Variants in HSD17B11 observed in about 807,000 individuals in gnomAD.
HSD17B11 encodes the protein estradiol 17-beta-dehydrogenase 11.
In HSD17B11, 22 loss-of-function variants were observed where a neutral mutation model predicts 27.8. That is an observed-to-expected ratio of 0.79 (90% CI 0.56 to 1.13). The LOEUF (loss-of-function observed/expected upper bound fraction) is 1.13, where lower values mean the gene tolerates loss of function less well. Ranked by LOEUF, HSD17B11 falls within the 50% of genes most tolerant of loss-of-function variation. The probability of loss-of-function intolerance (pLI) is 0.00; values close to 1 mark genes in which losing one functional copy is unlikely to be tolerated. For synonymous variants in HSD17B11, 117 were observed against 132.8 expected (o/e 0.88, Z 0.82); for missense variants, 314 against 351.1 (o/e 0.89, Z 0.84).
chr4:87,390,107 C>G (rs1720419864), intron 1 of HSD17B11, among the ~76,000 whole-genome samples: 2 of 152,116 alleles, frequency 1.3e-5, no homozygotes, highest in Admixed American at 1.3e-4. Flanking sequence ...TTTAAAATTA[C>G]TCTTGGCAAT....
intron 5 of HSD17B11, among the ~76,000 whole-genome samples, chr4:87,341,885 A>T (rs577417700): frequency 6.7e-6 from 1 of 149,110 alleles, no homozygotes; most frequent in African/African-American, 2.5e-5. Context: ...AAATAGATAG[A>T]TAAGTGGCTT....
intron 3 of HSD17B11, among the ~76,000 whole-genome samples, chr4:87,374,077 C>G (rs1245433105): frequency 6.6e-6 from 1 of 152,152 alleles, no homozygotes; most frequent in Admixed American, 6.5e-5. Flanking sequence ...GTAATCCCAG[C>G]ACTTTGGGAG....
chr4:87,376,962 T>C (rs1735839050), intron 2 of HSD17B11, among the ~76,000 whole-genome samples: 1 of 151,646 alleles, frequency 6.6e-6, no homozygotes, highest in African/African-American at 2.4e-5. Context: ...AAACTGCATC[T>C]CTATTGAAAA....
chr4:87,378,895 A>AATATATATATAAAT (rs1303288739), intron 2 of HSD17B11, among the ~76,000 whole-genome samples: 1 of 8,422 alleles, frequency 1.2e-4, no homozygotes, highest in Non-Finnish European at 1.8e-4. Context: ...TATATATATA[A>AATATATATATAAAT]ATATATATAA....
intron 5 of HSD17B11, among the ~76,000 whole-genome samples, chr4:87,342,372 A>G (rs1294464342): frequency 6.8e-6 from 1 of 146,334 alleles, no homozygotes; most frequent in Non-Finnish European, 1.5e-5. Context: ...ACAAAGTGAA[A>G]CTTCGCTGCA....
intron 4 of HSD17B11, among the ~76,000 whole-genome samples, chr4:87,364,165 T>TTTGTC (rs1445392178): frequency 1.4e-5 from 2 of 146,532 alleles, no homozygotes; most frequent in Non-Finnish European, 3.0e-5. Flanking sequence ...TTTGTTTTGT[T>TTTGTC]TTGTCTTGTT....
At chr4:87,352,770 G>A (rs779590494) in intron 5 of HSD17B11, among the ~76,000 whole-genome samples, 6 of 8,484 alleles carry the variant, frequency 7.1e-4, no homozygotes, top group Non-Finnish European at 1.5e-3. Context: ...AGCAATCAGC[G>A]AGATTCCGTG....
chr4:87,378,141 G>A (rs1432780281), intron 2 of HSD17B11, among the ~76,000 whole-genome samples: 1 of 152,196 alleles, frequency 6.6e-6, no homozygotes, highest in African/African-American at 2.4e-5. Context: ...TCTTCAGTCA[G>A]AATTGAATTT....
At chr4:87,379,904 T>C (rs1245224176) in intron 2 of HSD17B11, among the ~76,000 whole-genome samples, 1 of 144,482 alleles carries the variant, frequency 6.9e-6, no homozygotes, top group Non-Finnish European at 1.5e-5. Flanking sequence ...ATCTCATATA[T>C]ACATATTATA....
At chr4:87,355,979 A>G (rs1735376677) in intron 5 of HSD17B11, among the ~76,000 whole-genome samples, 1 of 152,218 alleles carries the variant, frequency 6.6e-6, no homozygotes, top group East Asian at 1.9e-4. Context: ...AGCTGATGCC[A>G]TGAAAATAGG....
At chr4:87,359,694 A>T (rs568335751) in intron 4 of HSD17B11, among the ~76,000 whole-genome samples, 1 of 152,314 alleles carries the variant, frequency 6.6e-6, no homozygotes, top group Non-Finnish European at 1.5e-5. Flanking sequence ...TTTAATCTTC[A>T]TAATACCCCT....
At chr4:87,373,710 A>G (rs1735765552) in intron 3 of HSD17B11, among the ~76,000 whole-genome samples, 1 of 151,852 alleles carries the variant, frequency 6.6e-6, no homozygotes, top group East Asian at 2.0e-4. Context: ...CCTGTCTCCA[A>G]ACAACAACAA....
At chr4:87,364,134 A>G (rs1194072938) in intron 4 of HSD17B11, among the ~76,000 whole-genome samples, 1 of 149,960 alleles carries the variant, frequency 6.7e-6, no homozygotes, top group Non-Finnish European at 1.5e-5. Flanking sequence ...CAAGTGAATT[A>G]TTTTTGTTTT....
chr4:87,353,100 G>C (rs1735316723), intron 5 of HSD17B11, among the ~76,000 whole-genome samples: 1 of 104,678 alleles, frequency 9.6e-6, no homozygotes, highest in Non-Finnish European at 1.9e-5. Context: ...CACGCTGGGA[G>C]CTGTAGACCG....
chr4:87,386,116 T>C (rs1720310339), intron 1 of HSD17B11, among the ~76,000 whole-genome samples: 1 of 152,158 alleles, frequency 6.6e-6, no homozygotes, highest in African/African-American at 2.4e-5. Context: ...GATACCCTTC[T>C]TTCACATCCG....
intron 5 of HSD17B11, among the ~76,000 whole-genome samples, chr4:87,341,126 T>G (rs1046588763): frequency 6.6e-6 from 1 of 152,112 alleles, no homozygotes; most frequent in Non-Finnish European, 1.5e-5. Context: ...CATGATATGC[T>G]TATATTTATT....
intron 1 of HSD17B11, among the ~76,000 whole-genome samples, chr4:87,389,379 C>T (rs183249425): frequency 1.3e-5 from 2 of 152,216 alleles, no homozygotes; most frequent in East Asian, 1.9e-4. Flanking sequence ...CACGCCACCA[C>T]GCTCAACTAA....
At chr4:87,343,518 T>C (rs1735210634) in intron 5 of HSD17B11, among the ~76,000 whole-genome samples, 1 of 151,074 alleles carries the variant, frequency 6.6e-6, no homozygotes, top group African/African-American at 2.4e-5. Flanking sequence ...ACTTAAGTAA[T>C]GAGTAATTTT....
At chr4:87,377,165 T>C (rs1735844781) in intron 2 of HSD17B11, among the ~76,000 whole-genome samples, 1 of 151,588 alleles carries the variant, frequency 6.6e-6, no homozygotes, top group South Asian at 2.1e-4. Context: ...AAAAGACTAT[T>C]TGTAGGCCGG....
Sources: allele counts gnomAD v4.1 joint callset (sites outside exome capture counted in the v4.1 genomes callset), GRCh38; gene constraint gnomAD v4.1.1; transcripts MANE v1.5; gene names NCBI Gene and HGNC (gene_info 2026-07-23, HGNC 2026-07-21).